Variants in ARHGEF10 observed in about 807,000 individuals in gnomAD.
ARHGEF10 encodes Rho guanine nucleotide exchange factor (GEF) 10.
ARHGEF10 carries 140 observed loss-of-function variants against 147.4 expected under a neutral mutation model. The ratio of observed to expected loss-of-function variants is 0.95; its 90% CI spans 0.83 to 1.09. The LOEUF (loss-of-function observed/expected upper bound fraction) is 1.09, where lower values mean the gene tolerates loss of function less well. Ranked by LOEUF, ARHGEF10 falls within the 50% of genes least tolerant of loss-of-function variation. The pLI, the probability that ARHGEF10 is intolerant of heterozygous loss-of-function variation, is 0.00. For synonymous variants in ARHGEF10, 902 were observed against 695.8 expected, an observed-to-expected ratio of 1.30 and a Z score of -4.67; for missense variants, 2,222 against 1,752.7, an observed-to-expected ratio of 1.27 and a Z score of -4.78.
chr8:1,916,792 TG>T (rs886114884), intron 18 of ARHGEF10, among the ~76,000 whole-genome samples: 1 of 152,244 alleles, frequency 6.6e-6, no homozygotes, highest in African/African-American at 2.4e-5. Context: ...AATTAATTCT[TG>T]TTCTCTGTTG....
chr8:1,894,371 G>C, intron 12 of ARHGEF10, 22 bp from the exon 13 acceptor site: 1 of 1,613,976 alleles, frequency 6.2e-7, no homozygotes, highest in Non-Finnish European at 8.5e-7. Context: ...AGTCTGAACT[G>C]TCTTTGCTCA....
intron 27 of ARHGEF10, among the ~76,000 whole-genome samples, chr8:1,947,861 C>G (rs1358563862): frequency 1.3e-5 from 2 of 150,680 alleles, no homozygotes; most frequent in Non-Finnish European, 2.9e-5. Flanking sequence ...GTTTTAGATA[C>G]TGTCTTTGAC....
chr8:1,942,266 A>G (rs1446595236), intron 26 of ARHGEF10, among the ~76,000 whole-genome samples: 1 of 150,462 alleles, frequency 6.6e-6, no homozygotes, highest in African/African-American at 2.5e-5. Flanking sequence ...AGATCTTAAT[A>G]AAAAGAAAAG....
chr8:1,890,290 G>C (rs181469291), intron 11 of ARHGEF10, among the ~76,000 whole-genome samples: 1 of 148,890 alleles, frequency 6.7e-6, no homozygotes, highest in East Asian at 2.1e-4. Flanking sequence ...TGGGGTGAGG[G>C]TTCTGAGGAG....
chr8:1,841,836 A>G (rs186227825), intron 1 of ARHGEF10, among the ~76,000 whole-genome samples: 40,669 of 74,342 alleles, frequency 0.55, 11,458 homozygotes, highest in African/African-American at 0.57. Context: ...TGGGGCCGCG[A>G]CGGGAACTGG....
rs1805953043 is a variant in ARHGEF10, at chr8:1,859,924, C to T, written c.221C>T (p.Thr74Ile). 1 of 1,614,178 alleles carries T rather than the reference C, an allele frequency of 6.2e-7. No individual in the cohort carries two copies. The highest frequency in any genetic ancestry group is 8.5e-7 in the Non-Finnish European group (1 of 1,180,028). The part of the protein sequence containing the change: ...TGGEDGAGAE[T>I]TPVAEPTKLV... ...GGTGAGGATGGAGCTGGAGCAGAAACCACCCCAGTGGCAGAGCCTACTAAG... is the reference window on the plus strand; with the variant it reads ...GGTGAGGATGGAGCTGGAGCAGAAATCACCCCAGTGGCAGAGCCTACTAAG... Residue 74 changes from threonine (T) to isoleucine (I), a missense_variant, in exon 4 of 29, where the codon ACC becomes ATC. By Grantham distance (89) the Thr-to-Ile change is moderately conservative. Coordinates refer to ENST00000349830, the MANE Select transcript of ARHGEF10 (RefSeq NM_014629.4).
At chr8:1,939,795 A>C (rs533087718) in intron 26 of ARHGEF10, among the ~76,000 whole-genome samples, 1 of 152,340 alleles carries the variant, frequency 6.6e-6, no homozygotes, top group South Asian at 2.1e-4. Flanking sequence ...AGGTCCTGTC[A>C]CTGGCTCAGC....
chr8:1,861,283 A>C (rs6985559), intron 4 of ARHGEF10, among the ~76,000 whole-genome samples: 151,070 of 152,326 alleles, frequency 0.99, 74,916 homozygotes, highest in East Asian at 1. Flanking sequence ...CTGCAGAGCC[A>C]CAGGGTTCTG....
chr8:1,864,789 G>A (rs993664006), intron 5 of ARHGEF10, among the ~76,000 whole-genome samples: 15 of 152,214 alleles, frequency 9.9e-5, no homozygotes, highest in African/African-American at 3.4e-4. Flanking sequence ...GCCTGCAGGC[G>A]GGTGGGGTAT....
chr8:1,850,697 A>G (rs1805066488), intron 2 of ARHGEF10, among the ~76,000 whole-genome samples: 1 of 152,160 alleles, frequency 6.6e-6, no homozygotes. Flanking sequence ...GCCCCGGCGT[A>G]TTTATTTAAA....
chr8:1,875,890 A>G (rs1807655797), intron 7 of ARHGEF10, among the ~76,000 whole-genome samples: 1 of 152,224 alleles, frequency 6.6e-6, no homozygotes, highest in African/African-American at 2.4e-5. Context: ...TAAATTTAAT[A>G]TTTTTAAGGC....
intron 18 of ARHGEF10, among the ~76,000 whole-genome samples, chr8:1,920,090 C>T (rs985951132): frequency 6.6e-6 from 1 of 151,966 alleles, no homozygotes; most frequent in Admixed American, 6.6e-5. Flanking sequence ...TGGAGCTGTT[C>T]TGTGGGTGAT....
chr8:1,928,282 T>G (rs570182637), intron 23 of ARHGEF10, 145 bp from the exon 24 acceptor site: 1 of 774,416 alleles, frequency 1.3e-6, no homozygotes, highest in South Asian at 1.5e-5. Context: ...GAGCAATTGT[T>G]TAAGAATTTT....
rs765441615 is a variant in ARHGEF10 at position 1,843,333 on chromosome 8, A to C, written c.-47-20A>C. 1 of 1,601,254 alleles carries C rather than the reference A, an allele frequency of 6.2e-7. No homozygotes were observed. The highest frequency in any genetic ancestry group is 8.5e-7 in the Non-Finnish European group (1 of 1,172,548). On this transcript the variant is annotated intron_variant, in intron 1 of 28. Transcript: ENST00000349830. ...TTTATCCACCTGAACGGTGACAAGC[A>C]GTGTCTCTCCTTCTTGCAGGAGCTC...
At chr8:1,903,488 A>G (rs1314031774) in intron 16 of ARHGEF10, 37 bp downstream of exon 16, 1 of 1,611,426 alleles carries the variant, frequency 6.2e-7, no homozygotes, top group African/African-American at 1.3e-5. Flanking sequence ...TTCCAAAATT[A>G]TTTTTGCTTT....
intron 1 of ARHGEF10, among the ~76,000 whole-genome samples, chr8:1,840,319 T>C (rs370041296): frequency 8.0e-5 from 10 of 124,470 alleles, no homozygotes; most frequent in East Asian, 2.5e-4. Context: ...GGGGACTGTC[T>C]GGTGTGGAAG....
Position 1,923,908 on chromosome 8 carries a change from T to G in ARHGEF10, c.2488+34T>G, listed in dbSNP as rs186351316. The G allele has an allele frequency of 2.4e-5, 38 of 1,595,956 alleles. No homozygotes were observed. In the African/African-American group the frequency reaches 5.0e-4, roughly 21 times the overall value. On this transcript the variant is annotated intron_variant, in intron 21 of 28. Transcript: ENST00000349830. The stretch of plus-strand genomic sequence containing the variant: ...TGGCTGGCTGAGGCTGAATGAGGCA[T>G]GCGGCGTGATGATGAATTCCTGCCC...
In ARHGEF10 at chr8:1,880,029, G is replaced by A. The variant is rs1446813157; in HGVS notation, c.844-19G>A. The A allele has an allele frequency of 2.0e-6, 3 of 1,536,198 alleles. No homozygotes were observed. Among genetic ancestry groups the A allele is most frequent in the Admixed American group, 3.3e-5 (2 of 59,918 alleles). ...AAAAGAGCCTTTTTGTGAAAAGACT[G>A]TGTCTCTTTATGCTGTAGCTTTCTC... On this transcript the variant is annotated intron_variant, in intron 8 of 28. Transcript: ENST00000349830.
intron 1 of ARHGEF10, among the ~76,000 whole-genome samples, chr8:1,839,931 T>C (rs1269856266): frequency 6.7e-5 from 10 of 149,790 alleles, no homozygotes; most frequent in South Asian, 2.1e-4. Flanking sequence ...GTGTGGGGAC[T>C]GTCTGGTGTG....
Sources: allele counts gnomAD v4.1 joint callset (sites outside exome capture counted in the v4.1 genomes callset), GRCh38; gene constraint gnomAD v4.1.1; transcripts MANE v1.5; gene names NCBI Gene and HGNC (gene_info 2026-07-23, HGNC 2026-07-21).